Variants in GSDMC observed in about 807,000 individuals in gnomAD.
GSDMC encodes the protein gasdermin C.
GSDMC carries 59 observed loss-of-function variants against 58.0 expected under a neutral mutation model. That is an observed-to-expected ratio of 1.02 (90% CI 0.82 to 1.26). The LOEUF is 1.26. GSDMC is among the 50% of genes most tolerant of loss of function. The pLI, the probability that GSDMC is intolerant of heterozygous loss-of-function variation, is 0.00. For synonymous variants in GSDMC, 241 were observed against 220.2 expected (o/e 1.09, Z -0.83); for missense variants, 659 against 598.5 (o/e 1.10, Z -1.06).
the GSDMC span, among the ~76,000 whole-genome samples, chr8:129,726,124 G>A: frequency 6.6e-6 from 1 of 152,164 alleles, no homozygotes; most frequent in African/African-American, 2.4e-5. Flanking sequence ...AATGATCCTA[G>A]CATAAGCAGT....
At chr8:129,731,186 A>G in the GSDMC span, among the ~76,000 whole-genome samples, 1 of 152,222 alleles carries the variant, frequency 6.6e-6, no homozygotes, top group Non-Finnish European at 1.5e-5. Context: ...AAAGAGCTAC[A>G]ATGTCCTAGG....
intron 1 of GSDMC, among the ~76,000 whole-genome samples, chr8:129,779,949 G>A (rs1467759935): frequency 6.6e-6 from 1 of 152,098 alleles, no homozygotes; most frequent in East Asian, 1.9e-4. Flanking sequence ...TTAAAAAGAA[G>A]CAGAAATTCT....
the GSDMC span, among the ~76,000 whole-genome samples, chr8:129,714,263 C>A: frequency 7.9e-5 from 12 of 152,354 alleles, no homozygotes; most frequent in East Asian, 2.1e-3. Flanking sequence ...GCCTAAACCT[C>A]ATCTGTCCCA....
Position 129,751,481 on chromosome 8 carries a change from G to T in GSDMC, c.943+61C>A, listed in dbSNP as rs898260872. The stretch of plus-strand genomic sequence containing the variant: ...TGACTTGCATAGAAACCACCAACTT[G>T]GGTGCTCAGACTTGCAGCTCCCACC... On this transcript the variant is annotated intron_variant, in intron 10 of 13. Transcript: ENST00000276708. The T allele has an allele frequency of 1.5e-5, 21 of 1,404,376 alleles. No homozygotes were observed. In the African/African-American group the frequency reaches 2.6e-4, roughly 17 times the overall value. The allele number at this position is 1,404,376 out of a possible 1,614,324, so 87.0% of individuals were successfully genotyped here.
At chr8:129,744,644 C>G (rs748386426), downstream of GSDMC, among the ~76,000 whole-genome samples, 8 of 152,260 alleles carry the variant, frequency 5.3e-5, no homozygotes, top group Non-Finnish European at 1.2e-4. Context: ...CTTCCTCCAA[C>G]TCAATGCTCT....
chr8:129,709,481 C>G, the GSDMC span, among the ~76,000 whole-genome samples: 1 of 130,650 alleles, frequency 7.7e-6, no homozygotes, highest in East Asian at 2.7e-4. Flanking sequence ...GATAGATAGA[C>G]AGATAATAGA....
At chr8:129,774,184 C>T (rs1054970470) in intron 3 of GSDMC, among the ~76,000 whole-genome samples, 1 of 152,100 alleles carries the variant, frequency 6.6e-6, no homozygotes, top group Non-Finnish European at 1.5e-5. Context: ...AAACTTATGG[C>T]ACTTGCATAA....
chr8:129,780,647 A>T (rs1433989369), intron 1 of GSDMC, among the ~76,000 whole-genome samples: 2 of 152,190 alleles, frequency 1.3e-5, no homozygotes, highest in Non-Finnish European at 2.9e-5. Flanking sequence ...TACTAAAGGG[A>T]GTTGTTCTAT....
intron 3 of GSDMC, among the ~76,000 whole-genome samples, chr8:129,770,582 A>G (rs1266940452): frequency 6.6e-6 from 1 of 152,240 alleles, no homozygotes; most frequent in Non-Finnish European, 1.5e-5. Context: ...TATTATAACT[A>G]TAAGATATTT....
At chr8:129,735,644 C>T in the GSDMC span, among the ~76,000 whole-genome samples, 4 of 152,172 alleles carry the variant, frequency 2.6e-5, no homozygotes, top group East Asian at 7.7e-4. Context: ...ATCTCTGGGA[C>T]ACATTTAAAG....
At chr8:129,773,457 T>C (rs1385034491) in intron 3 of GSDMC, among the ~76,000 whole-genome samples, 1 of 152,168 alleles carries the variant, frequency 6.6e-6, no homozygotes, top group African/African-American at 2.4e-5. Flanking sequence ...AAATCAGTTG[T>C]ATTTCTATAA....
chr8:129,762,733 T>C lies in GSDMC; in HGVS notation c.571-2A>G. 1 of 1,599,550 alleles carries C rather than the reference T, an allele frequency of 6.3e-7. No individual in the cohort carries two copies. The highest frequency in any genetic ancestry group is 8.6e-7 in the Non-Finnish European group (1 of 1,166,634). ...GAGACTCTCTCCTTGGCCTTGACCC[T>C]GGGGAGAGAAACCAGACAATACAGT... On this transcript the variant is annotated splice_acceptor_variant, in intron 4 of 13. Coordinates refer to ENST00000276708, the MANE Select transcript of GSDMC (RefSeq NM_031415.3). LOFTEE classifies it high-confidence loss of function.
At chr8:129,717,250 C>CTTTTTT in the GSDMC span, among the ~76,000 whole-genome samples, 9 of 114,684 alleles carry the variant, frequency 7.8e-5, no homozygotes, top group Non-Finnish European at 1.0e-4. Flanking sequence ...TGGTCCTGGG[C>CTTTTTT]TTTTTTTTTT....
chr8:129,748,696 A>G lies in GSDMC; in HGVS notation c.1332T>C (p.Ile444=). 1 of 1,596,956 alleles carries G rather than the reference A, an allele frequency of 6.3e-7. No individual in the cohort carries two copies. Among genetic ancestry groups the G allele is most frequent in the East Asian group, 2.3e-5 (1 of 43,962 alleles). ...GGAGCTCAGGTTTGAGGGTGAAGGGAATGCTCCAGGGGTATCTGAAGTTTG... is the reference window on the plus strand; with the variant it reads ...GGAGCTCAGGTTTGAGGGTGAAGGGGATGCTCCAGGGGTATCTGAAGTTTG... ...LEPNFRYPWS[I]PFTLKPELLA... is the part of the protein sequence containing the mutation. The change falls in exon 14 of 14, where the codon ATT becomes ATC. Residue 444 remains isoleucine, a synonymous_variant. Coordinates refer to ENST00000276708, the MANE Select transcript of GSDMC (RefSeq NM_031415.3).
chr8:129,744,863 T>C (rs1301612321), downstream of GSDMC, among the ~76,000 whole-genome samples: 1 of 152,220 alleles, frequency 6.6e-6, no homozygotes, highest in Non-Finnish European at 1.5e-5. Flanking sequence ...CATTTAACAA[T>C]GCTATCATAC....
chr8:129,726,771 C>G, the GSDMC span, among the ~76,000 whole-genome samples: 2 of 137,458 alleles, frequency 1.5e-5, no homozygotes, highest in Admixed American at 1.5e-4. Flanking sequence ...TCCCTCCCCC[C>G]ACCCACCCCC....
At position 129,750,057 on chromosome 8, in the gene GSDMC, T is replaced by G. The variant is rs1333727142; in HGVS notation, c.1146A>C (p.Gln382His). The G allele has an allele frequency of 1.2e-6, 2 of 1,610,322 alleles. No individual in the cohort carries two copies. The highest frequency in any genetic ancestry group is 2.7e-5 in the African/African-American group (2 of 74,782). The change falls in exon 12 of 14, where the codon CAA becomes CAC. Residue 382 changes from glutamine (Q) to histidine (H), a missense_variant. Physicochemically the swap from Gln to His is conservative, Grantham distance 24. Coordinates refer to ENST00000276708, the MANE Select transcript of GSDMC (RefSeq NM_031415.3). ...TAAACCATGCATGGTTTGAATCCTG[T>G]TGAAGTTTCTTTAGGATGGCACCAC... is the stretch of plus-strand genomic sequence containing the variant. ...GPGGAILKKL[Q>H]QDSNHAWFNP...
At chr8:129,729,528 T>A in the GSDMC span, among the ~76,000 whole-genome samples, 1 of 152,188 alleles carries the variant, frequency 6.6e-6, no homozygotes, top group Admixed American at 6.5e-5. Context: ...TTCTCATTGT[T>A]CAATTCCCAC....
rs1182455681 is a variant in GSDMC at position 129,750,101 on chromosome 8, C to T, written c.1102G>A (p.Gly368Ser). 6.3e-7 allele frequency: 1 copy of T among 1,578,116 alleles called. No homozygotes were observed. The highest frequency in any genetic ancestry group is 8.6e-7 in the Non-Finnish European group (1 of 1,167,696). The change falls in exon 12 of 14, where the codon GGT (glycine) becomes AGT (serine). Residue 368 changes from glycine (G) to serine (S), a missense_variant. Physicochemically the swap from Gly to Ser is moderately conservative, Grantham distance 56. Transcript: ENST00000276708. The part of the protein sequence containing the change: ...LMNMLELDSS[G>S]HLDGPGGAIL... ...GCACCACCAGGGCCATCCAAATGAC[C>T]TGAGCTGTCCAATTCCAGCTATAGA...
Sources: gnomAD v4.1 joint callset for allele counts (sites outside exome capture counted in the v4.1 genomes callset) on GRCh38, gnomAD v4.1.1 for gene constraint, MANE v1.5 for transcripts, NCBI Gene and HGNC (gene_info 2026-07-23, HGNC 2026-07-21) for gene names.